KCTD16: variants seen among roughly 807,000 people sequenced by gnomAD.
The protein encoded by KCTD16 is BTB/POZ domain-containing protein KCTD16.
In KCTD16, 13 loss-of-function variants were observed where a neutral mutation model predicts 33.2. The ratio of observed to expected loss-of-function variants is 0.39; its 90% confidence interval spans 0.25 to 0.62. The LOEUF (loss-of-function observed/expected upper bound fraction) is 0.62, where lower values mean the gene tolerates loss of function less well. Ranked by LOEUF, KCTD16 falls within the 20% of genes least tolerant of loss-of-function variation. KCTD16 has a pLI of 0.50. For synonymous variants in KCTD16, 197 were observed against 195.3 expected (o/e 1.01, Z -0.07); for missense variants, 441 against 525.1 (o/e 0.84, Z 1.57).
intron 3 of KCTD16, among the ~76,000 whole-genome samples, chr5:144,219,979 T>C (rs1037344302): frequency 2.3e-4 from 35 of 152,186 alleles, no homozygotes; most frequent in African/African-American, 8.2e-4. Flanking sequence ...ACATACTTCA[T>C]GGCCCTGGAG....
At chr5:144,401,028 G>C (rs1480836376) in intron 3 of KCTD16, among the ~76,000 whole-genome samples, 1 of 151,144 alleles carries the variant, frequency 6.6e-6, no homozygotes, top group East Asian at 1.9e-4. Context: ...AAGGTAGGCA[G>C]GGACATATCA....
At chr5:144,184,752 T>C (rs570982756) in intron 2 of KCTD16, among the ~76,000 whole-genome samples, 1 of 152,348 alleles carries the variant, frequency 6.6e-6, no homozygotes, top group South Asian at 2.1e-4. Context: ...TTTATTTGCA[T>C]TTCCCTGATG....
chr5:144,178,854 G>T (rs1196191877), intron 2 of KCTD16, among the ~76,000 whole-genome samples: 1 of 151,952 alleles, frequency 6.6e-6, no homozygotes, highest in Non-Finnish European at 1.5e-5. Context: ...GAAATTAAAT[G>T]TCTCAACTTC....
chr5:144,261,938 C>A (rs1755022741), intron 3 of KCTD16, among the ~76,000 whole-genome samples: 1 of 152,100 alleles, frequency 6.6e-6, no homozygotes, highest in Non-Finnish European at 1.5e-5. Context: ...TACTTATTTT[C>A]TCTCAAACTC....
intron 3 of KCTD16, among the ~76,000 whole-genome samples, chr5:144,277,093 A>G (rs1019569550): frequency 3.3e-5 from 5 of 152,190 alleles, no homozygotes; most frequent in Admixed American, 2.6e-4. Flanking sequence ...TAGATTTTAT[A>G]TTCTTCCCTG....
chr5:144,332,422 T>C (rs1437980395), intron 3 of KCTD16, among the ~76,000 whole-genome samples: 1 of 152,088 alleles, frequency 6.6e-6, no homozygotes, highest in Non-Finnish European at 1.5e-5. Context: ...AGCTACCTGA[T>C]AAATCACCCA....
At chr5:144,460,178 A>G (rs1754163651) in intron 3 of KCTD16, among the ~76,000 whole-genome samples, 1 of 152,054 alleles carries the variant, frequency 6.6e-6, no homozygotes. Flanking sequence ...CAAGCCATGC[A>G]AGTCCTCTTT....
At position 144,473,856 on chromosome 5, in the gene KCTD16, C is replaced by T. The variant is rs762320309; in HGVS notation, c.1029C>T (p.Asp343=). The T allele has an allele frequency of 2.5e-6, 4 of 1,614,118 alleles. No individual in the cohort carries two copies. The highest frequency in any genetic ancestry group is 3.4e-6 in the Non-Finnish European group (4 of 1,180,012). The change falls in exon 4 of 4, where the codon GAC becomes GAT. Residue 343 remains aspartate, a synonymous_variant. Coordinates refer to ENST00000512467, the MANE Select transcript of KCTD16 (RefSeq NM_020768.4). Reference sequence around the variant, plus strand: ...GCCAGACCAACATCCAGACTCTGGACCGTCCCATCAAGAAGGGCCCTGTCC... The same window carrying T: ...GCCAGACCAACATCCAGACTCTGGATCGTCCCATCAAGAAGGGCCCTGTCC... ...VTRQTNIQTL[D]RPIKKGPVQL...
intron 3 of KCTD16, among the ~76,000 whole-genome samples, chr5:144,269,085 T>C (rs73312722): frequency 0.038 from 5,743 of 151,956 alleles, 185 homozygotes; most frequent in African/African-American, 0.083. Context: ...GAACAGACAC[T>C]AAGGGATATG....
At chr5:144,350,435 G>A (rs865926941) in intron 3 of KCTD16, among the ~76,000 whole-genome samples, 96 of 152,166 alleles carry the variant, frequency 6.3e-4, no homozygotes, top group African/African-American at 2.3e-3. Flanking sequence ...AAATTATAAA[G>A]CATCCTGATA....
chr5:144,467,043 ATATATATAACACTATATGTAT>A (rs1754356143), intron 3 of KCTD16, among the ~76,000 whole-genome samples: 3 of 58,598 alleles, frequency 5.1e-5, no homozygotes, highest in South Asian at 9.9e-4. Flanking sequence ...ATTATATATA[ATATATATAACACTATATGTAT>A]TATATATAAT....
intron 3 of KCTD16, among the ~76,000 whole-genome samples, chr5:144,273,498 G>A (rs1454163900): frequency 1.3e-5 from 2 of 152,068 alleles, no homozygotes; most frequent in African/African-American, 4.8e-5. Flanking sequence ...TGAAACCAGG[G>A]CCTCAAAGAG....
At chr5:144,411,116 C>G (rs1752922294) in intron 3 of KCTD16, among the ~76,000 whole-genome samples, 1 of 152,090 alleles carries the variant, frequency 6.6e-6, no homozygotes, top group African/African-American at 2.4e-5. Flanking sequence ...CTAACAAAAG[C>G]AATTTACAGA....
intron 3 of KCTD16, among the ~76,000 whole-genome samples, chr5:144,458,701 T>C (rs1754128077): frequency 6.6e-6 from 1 of 152,226 alleles, no homozygotes; most frequent in African/African-American, 2.4e-5. Context: ...GATATAAACC[T>C]GAACATACTG....
chr5:144,366,638 C>A (rs1444100375), intron 3 of KCTD16, among the ~76,000 whole-genome samples: 1 of 152,134 alleles, frequency 6.6e-6, no homozygotes, highest in African/African-American at 2.4e-5. Context: ...CTGAGGTGGT[C>A]TTTTAAGCAT....
chr5:144,336,257 C>T (rs1752490318), intron 3 of KCTD16, among the ~76,000 whole-genome samples: 1 of 152,210 alleles, frequency 6.6e-6, no homozygotes, highest in Non-Finnish European at 1.5e-5. Context: ...GGCTTCTGAC[C>T]TTACTCCCTG....
At chr5:144,450,722 A>T (rs868183604) in intron 3 of KCTD16, among the ~76,000 whole-genome samples, 2 of 152,118 alleles carry the variant, frequency 1.3e-5, no homozygotes, top group Non-Finnish European at 2.9e-5. Context: ...GCATAATTCC[A>T]CTTAAATGAG....
At chr5:144,227,638 T>G (rs1451135964) in intron 3 of KCTD16, among the ~76,000 whole-genome samples, 1 of 152,194 alleles carries the variant, frequency 6.6e-6, no homozygotes, top group Admixed American at 6.5e-5. Context: ...GTATTCAACC[T>G]TGGCTGCTAT....
At chr5:144,204,835 G>GA (rs1022910528) in intron 2 of KCTD16, among the ~76,000 whole-genome samples, 5 of 151,404 alleles carry the variant, frequency 3.3e-5, no homozygotes, top group Admixed American at 2.0e-4. Flanking sequence ...AATAGAAAAG[G>GA]AAAAAAAGGG....
Sources: allele counts gnomAD v4.1 joint callset (sites outside exome capture counted in the v4.1 genomes callset), GRCh38; gene constraint gnomAD v4.1.1; transcripts MANE v1.5; gene names NCBI Gene and HGNC (gene_info 2026-07-23, HGNC 2026-07-21).